The following KIF1B variants were observed in gnomAD, a reference collection of about 807,000 sequenced individuals.
KIF1B encodes kinesin-like protein KIF1B.
Under a neutral mutation model 241.9 loss-of-function variants are expected in KIF1B, and 76 were observed. The observed-to-expected ratio is 0.31, with a 90% CI of 0.26 to 0.38. The LOEUF (loss-of-function observed/expected upper bound fraction) is 0.38, where lower values mean the gene tolerates loss of function less well. KIF1B is among the 10% of genes least tolerant of loss of function. KIF1B has a pLI of 1.00. For synonymous variants in KIF1B, 750 were observed against 796.7 expected (o/e 0.94, Z 0.99); for missense variants, 1,622 against 2,271.4 (o/e 0.71, Z 5.81).
intron 7 of KIF1B, among the ~76,000 whole-genome samples, chr1:10,270,673 C>T (rs1648739847): frequency 1.3e-5 from 2 of 152,052 alleles, no homozygotes; most frequent in South Asian, 4.1e-4. Context: ...GCCTGTACTC[C>T]CAGCACCATG....
intron 27 of KIF1B, among the ~76,000 whole-genome samples, chr1:10,332,096 C>G (rs1651963949): frequency 6.6e-6 from 1 of 151,676 alleles, no homozygotes; most frequent in Admixed American, 6.6e-5. Context: ...CGAAGTCTTG[C>G]TCTTGTCCCC....
intron 1 of KIF1B, among the ~76,000 whole-genome samples, chr1:10,221,817 G>A (rs1646848680): frequency 6.6e-6 from 1 of 151,884 alleles, no homozygotes; most frequent in Non-Finnish European, 1.5e-5. Context: ...TGCTAATATT[G>A]AATTAATTAA....
At chr1:10,243,017 T>G (rs181604901) in intron 2 of KIF1B, among the ~76,000 whole-genome samples, 24 of 152,244 alleles carry the variant, frequency 1.6e-4, no homozygotes, top group African/African-American at 5.8e-4. Context: ...AGTGAGGAAA[T>G]GATTTAACTA....
At chr1:10,266,909 A>T (rs1648493842) in intron 5 of KIF1B, among the ~76,000 whole-genome samples, 1 of 152,176 alleles carries the variant, frequency 6.6e-6, no homozygotes, top group Non-Finnish European at 1.5e-5. Context: ...GAGTTACGGC[A>T]TTTCACTTTG....
Position 10,258,538 on chromosome 1 carries a change from A to T in KIF1B, c.229A>T (p.Ile77Phe). 1.2e-6 allele frequency: 2 copies of T among 1,614,172 alleles called. No individual in the cohort carries two copies. Among genetic ancestry groups the T allele is most frequent in the Non-Finnish European group, 1.7e-6 (2 of 1,180,028 alleles). The change falls in exon 4 of 49, where the codon ATT becomes TTT. Residue 77 changes from isoleucine to phenylalanine, a missense_variant. Ile to Phe is a conservative substitution (Grantham distance 21, BLOSUM62 0). Coordinates refer to ENST00000676179, the MANE Select transcript of KIF1B (RefSeq NM_001365951.3). ...ATCTCAAAACCGTGTGTACAATGAC[A>T]TTGGCAAGGAAATGCTCTTACACGC... The part of the protein sequence containing the change: ...FASQNRVYND[I>F]GKEMLLHAFE...
chr1:10,258,704 T>G (rs1297616420), intron 4 of KIF1B, 32 bp downstream of exon 4: 1 of 1,604,492 alleles, frequency 6.2e-7, no homozygotes, highest in Admixed American at 1.7e-5. Context: ...AAATCTTCTC[T>G]TCATTATTAG....
chr1:10,221,094 CTTTTTTTTTTT>C (rs34039054), intron 1 of KIF1B, among the ~76,000 whole-genome samples: 1 of 94,262 alleles, frequency 1.1e-5, no homozygotes, highest in East Asian at 3.0e-4. Context: ...CAGAAAGAAG[CTTTTTTTTTTT>C]TTTTTTTTTT....
At chr1:10,336,454 G>C (rs895967407) in intron 28 of KIF1B, among the ~76,000 whole-genome samples, 1 of 152,124 alleles carries the variant, frequency 6.6e-6, no homozygotes, top group Admixed American at 6.5e-5. Flanking sequence ...GCCTGAAACC[G>C]ATTCTTTATT....
At chr1:10,253,095 C>T (rs1040810889) in intron 2 of KIF1B, among the ~76,000 whole-genome samples, 1 of 152,104 alleles carries the variant, frequency 6.6e-6, no homozygotes, top group African/African-American at 2.4e-5. Context: ...TAGGTGTGCA[C>T]ATGTATTTCC....
intron 12 of KIF1B, among the ~76,000 whole-genome samples, chr1:10,277,013 G>A (rs1322916699): frequency 2.6e-5 from 4 of 151,710 alleles, no homozygotes; most frequent in Non-Finnish European, 4.4e-5. Flanking sequence ...CCTGGGAGGC[G>A]GAGGTTGCAG....
intron 2 of KIF1B, among the ~76,000 whole-genome samples, chr1:10,236,307 A>ACAACAACAACAACAACAACAACC (rs1557655415): frequency 6.6e-6 from 1 of 151,656 alleles, no homozygotes; most frequent in Non-Finnish European, 1.5e-5. Flanking sequence ...CAACAACAAA[A>ACAACAACAACAACAACAACAACC]ACCCATATAG....
chr1:10,352,550 A>T, intron 37 of KIF1B, 81 bp from the exon 38 acceptor site: 1 of 1,240,272 alleles, frequency 8.1e-7, no homozygotes. Flanking sequence ...ACAGAGATTT[A>T]AAAGTCTCTT....
In KIF1B at chr1:10,304,362, G is replaced by A. The variant is rs1334941848; in HGVS notation, c.2115+7116G>A. 7 of 1,614,180 alleles carry A rather than the reference G, an allele frequency of 4.3e-6. No individual in the cohort carries two copies. The highest frequency in any genetic ancestry group is 4.5e-5 in the East Asian group (2 of 44,882). ...GCAATTCTCTCAATAATGGCCAGCC[G>A]AAAAGTACGCGCTGCCAGGCATCTG... On this transcript the variant is annotated intron_variant, in intron 22 of 48. Coordinates refer to ENST00000676179, the MANE Select transcript of KIF1B (RefSeq NM_001365951.3).
At position 10,376,734 on chromosome 1, in the gene KIF1B, T is replaced by G; in HGVS notation, c.*147T>G. The G allele has an allele frequency of 2.5e-6, 2 of 800,576 alleles. No individual in the cohort carries two copies. Among genetic ancestry groups the G allele is most frequent in the Non-Finnish European group, 2.2e-6 (1 of 463,260 alleles). 49.6% of individuals were successfully genotyped at this position (800,576 alleles called of 1,614,324 possible). ...TCCTTGTCCAGCACTTTTCTAGCTC[T>G]CCCGTTCCCCATCTCCATTGCTCTG... On this transcript the variant is annotated 3_prime_UTR_variant, in exon 49 of 49. Transcript: ENST00000676179.
Position 10,220,397 on chromosome 1 carries a change from T to TGATAGATAGATA in KIF1B, c.-80+9552_-80+9563dup, listed in dbSNP as rs5772398. Among the ~76,000 whole-genome samples, 111 of 144,286 alleles carry TGATAGATAGATA rather than the reference T, an allele frequency of 7.7e-4. 1 individual carries two copies. Among genetic ancestry groups the TGATAGATAGATA allele is most frequent in the African/African-American group, 1.8e-3 (68 of 38,752 alleles). 94.7% of individuals were successfully genotyped at this position (144,286 alleles called of 152,430 possible). On this transcript the variant is annotated intron_variant, in intron 1 of 48. Coordinates refer to ENST00000676179, the MANE Select transcript of KIF1B (RefSeq NM_001365951.3). ...ATAGATAGATAGATAGATAGATAGA[T>TGATAGATAGATA]GATAGATAGATAGATAGATAGATAG...
intron 48 of KIF1B, among the ~76,000 whole-genome samples, chr1:10,375,742 A>T (rs1241118848): frequency 2.0e-5 from 3 of 149,324 alleles, no homozygotes; most frequent in Non-Finnish European, 4.4e-5. Flanking sequence ...GAATATCAGG[A>T]TAAATAGGAA....
chr1:10,318,139 G>A (rs1220754984), intron 22 of KIF1B, among the ~76,000 whole-genome samples: 6 of 151,158 alleles, frequency 4.0e-5, no homozygotes, highest in Non-Finnish European at 8.8e-5. Flanking sequence ...ATCTAGTAAA[G>A]CTATGTAGTT....
chr1:10,292,677 TC>T (rs1650056427), intron 17 of KIF1B, among the ~76,000 whole-genome samples: 1 of 152,246 alleles, frequency 6.6e-6, no homozygotes, highest in African/African-American at 2.4e-5. Flanking sequence ...ATAGTTACCT[TC>T]CTTTTTACAT....
At chr1:10,230,142 A>G (rs530133374) in intron 1 of KIF1B, among the ~76,000 whole-genome samples, 1 of 152,224 alleles carries the variant, frequency 6.6e-6, no homozygotes, top group East Asian at 1.9e-4. Flanking sequence ...GCCACTGTAC[A>G]GTAGCCTGGA....
Sources: allele counts gnomAD v4.1 joint callset (sites outside exome capture counted in the v4.1 genomes callset), GRCh38; gene constraint gnomAD v4.1.1; transcripts MANE v1.5; gene names NCBI Gene and HGNC (gene_info 2026-07-23, HGNC 2026-07-21).